Variants in TRIM5 observed in about 807,000 individuals in gnomAD.
TRIM5 encodes the protein tripartite motif containing 5.
TRIM5 carries 31 observed loss-of-function variants against 35.6 expected under a neutral mutation model. The ratio of observed to expected loss-of-function variants is 0.87; its 90% CI spans 0.65 to 1.18. The LOEUF is 1.18. Ranked by LOEUF, TRIM5 falls within the 50% of genes most tolerant of loss-of-function variation. The probability of loss-of-function intolerance (pLI) is 0.00; values close to 1 mark genes in which losing one functional copy is unlikely to be tolerated. For missense variants in TRIM5, 609 were observed against 591.6 expected (o/e 1.03, Z -0.31); for synonymous variants, 243 against 215.6 (o/e 1.13, Z -1.11).
the TRIM5 span, among the ~76,000 whole-genome samples, chr11:5,614,963 A>G: frequency 3.9e-5 from 6 of 152,286 alleles, no homozygotes; most frequent in East Asian, 1.9e-4. Flanking sequence ...CTTTAAATGC[A>G]TCTCACAAAT....
the TRIM5 span, among the ~76,000 whole-genome samples, chr11:5,621,967 G>A: frequency 7.2e-5 from 11 of 152,212 alleles, no homozygotes; most frequent in Admixed American, 2.6e-4. Flanking sequence ...ATGTTGTCAG[G>A]ACCTCCTGAG....
At chr11:5,596,685 C>G in the TRIM5 span, 1 of 684,654 alleles carries the variant, frequency 1.5e-6, no homozygotes, top group Non-Finnish European at 2.4e-6. Context: ...CCTGTGGGTC[C>G]GTCCGTTCAA....
chr11:5,591,962 G>A, the TRIM5 span, among the ~76,000 whole-genome samples: 25,227 of 152,140 alleles, frequency 0.17, 2,483 homozygotes, highest in Middle Eastern at 0.31. Flanking sequence ...AGATGAGTCC[G>A]CTGAGGTTAT....
intron 4 of TRIM5, among the ~76,000 whole-genome samples, chr11:5,671,698 A>C (rs1851601292): frequency 6.6e-6 from 1 of 152,146 alleles, no homozygotes; most frequent in Non-Finnish European, 1.5e-5. Context: ...GTCATAATGT[A>C]GCAATGTACA....
chr11:5,641,549 T>A, the TRIM5 span, among the ~76,000 whole-genome samples: 1 of 152,204 alleles, frequency 6.6e-6, no homozygotes, highest in Non-Finnish European at 1.5e-5. Context: ...ATGGAGGGCC[T>A]TGTCAAATCC....
the TRIM5 span, chr11:5,632,124 C>T: frequency 8.3e-6 from 11 of 1,320,758 alleles, no homozygotes; most frequent in Non-Finnish European, 1.1e-5. Context: ...CCACTTTCAG[C>T]CATTTTTGGT....
the TRIM5 span, among the ~76,000 whole-genome samples, chr11:5,627,683 A>T: frequency 6.6e-6 from 1 of 152,204 alleles, no homozygotes; most frequent in African/African-American, 2.4e-5. Flanking sequence ...GAGTAGCTGA[A>T]GCAAGAACTC....
At chr11:5,658,568 T>C (rs371850297), downstream of TRIM5, among the ~76,000 whole-genome samples, 28 of 152,340 alleles carry the variant, frequency 1.8e-4, no homozygotes, top group East Asian at 4.1e-3. Context: ...GTTATATTTT[T>C]CTAAGTGTCT....
At chr11:5,669,754 T>A (rs1460036377) in intron 4 of TRIM5, among the ~76,000 whole-genome samples, 1 of 152,180 alleles carries the variant, frequency 6.6e-6, no homozygotes, top group Non-Finnish European at 1.5e-5. Flanking sequence ...TCCCAGCACT[T>A]TGGGAGGCTA....
chr11:5,642,565 C>A, the TRIM5 span: 1 of 1,585,798 alleles, frequency 6.3e-7, no homozygotes, highest in Non-Finnish European at 8.6e-7. Flanking sequence ...AGGTAATAAA[C>A]TGTCTAGGTG....
At chr11:5,650,273 A>T in the TRIM5 span, among the ~76,000 whole-genome samples, 1 of 152,154 alleles carries the variant, frequency 6.6e-6, no homozygotes, top group African/African-American at 2.4e-5. Context: ...TATTCAAACC[A>T]TTGGCCATTG....
the TRIM5 span, chr11:5,611,167 G>A: frequency 1.6e-5 from 26 of 1,613,874 alleles, no homozygotes; most frequent in East Asian, 2.2e-4. Context: ...GTGCCCCCTC[G>A]CCGTGTTGGG....
the TRIM5 span, among the ~76,000 whole-genome samples, chr11:5,628,478 A>C: frequency 2.6e-5 from 4 of 152,178 alleles, no homozygotes; most frequent in Non-Finnish European, 4.4e-5. Flanking sequence ...TATCTGTACC[A>C]TTGGCTGGAT....
At chr11:5,652,994 A>G in the TRIM5 span, among the ~76,000 whole-genome samples, 1 of 152,146 alleles carries the variant, frequency 6.6e-6, no homozygotes, top group African/African-American at 2.4e-5. Flanking sequence ...CTGGGACTAC[A>G]GGTGCCCACC....
At chr11:5,652,120 T>G in the TRIM5 span, among the ~76,000 whole-genome samples, 32 of 152,144 alleles carry the variant, frequency 2.1e-4, no homozygotes, top group Non-Finnish European at 4.6e-4. Flanking sequence ...TTTTTTGTTT[T>G]TGTTTTTGGT....
chr11:5,679,251 T>G, intron 2 of TRIM5, 82 bp from the exon 3 acceptor site: 1 of 1,275,694 alleles, frequency 7.8e-7, no homozygotes, highest in Non-Finnish European at 1.1e-6. Flanking sequence ...ATAAATCAGG[T>G]TGATCTCAGA....
At chr11:5,653,765 A>C in the TRIM5 span, among the ~76,000 whole-genome samples, 18 of 152,186 alleles carry the variant, frequency 1.2e-4, no homozygotes, top group African/African-American at 4.1e-4. Flanking sequence ...TGTGAGGATT[A>C]CAGGTGTGAG....
chr11:5,611,743 G>A, the TRIM5 span: 15 of 194,394 alleles, frequency 7.7e-5, no homozygotes, highest in African/African-American at 1.4e-4. Flanking sequence ...GTGAGCCGCC[G>A]CGCCCAGACA....
chr11:5,603,502 C>T, the TRIM5 span: 2 of 1,614,102 alleles, frequency 1.2e-6, no homozygotes, highest in Non-Finnish European at 1.7e-6. Flanking sequence ...GACCAGCTAC[C>T]AGCCAGGGAA....
Sources: gnomAD v4.1 joint callset for allele counts (sites outside exome capture counted in the v4.1 genomes callset) on GRCh38, gnomAD v4.1.1 for gene constraint, MANE v1.5 for transcripts, NCBI Gene and HGNC (gene_info 2026-07-23, HGNC 2026-07-21) for gene names.